STAT1: variants seen among roughly 807,000 people sequenced by gnomAD.
STAT1 encodes signal transducer and activator of transcription 1-alpha/beta.
In STAT1, 24 loss-of-function variants were observed where a neutral mutation model predicts 111.7. The ratio of observed to expected loss-of-function variants is 0.21; its 90% CI spans 0.16 to 0.30. The LOEUF is 0.30. STAT1 is among the 10% of genes least tolerant of loss of function. The pLI is 1.00. For missense variants in STAT1, 351 were observed against 911.9 expected (o/e 0.38, Z 7.92); for synonymous variants, 332 against 326.5 (o/e 1.02, Z -0.18).
At position 190,999,894 on chromosome 2, in the gene STAT1, A is replaced by C. The variant is rs139471543; in HGVS notation, c.463-190T>G. ...TCGGTTTCATTAATAAGTATGTCAT[A>C]ACATTTTTAAAAAAGCAAACGTACA... On this transcript the variant is annotated intron_variant, in intron 6 of 24. Coordinates refer to ENST00000361099, the MANE Select transcript of STAT1 (RefSeq NM_007315.4). This position sits in a 1 kb window ranked among gnomAD's most constrained non-coding sequence, Gnocchi z 4.1. Among the ~76,000 whole-genome samples the C allele has an allele frequency of 6.6e-5, 10 of 152,336 alleles. No homozygotes were observed. The highest frequency in any genetic ancestry group is 1.4e-4 in the African/African-American group (6 of 41,574).
At position 190,995,709 on chromosome 2, in the gene STAT1, C is replaced by A. The variant is rs1693803033; in HGVS notation, c.786-490G>T. Among the ~76,000 whole-genome samples the A allele has an allele frequency of 6.6e-6, 1 of 152,188 alleles. No individual in the cohort carries two copies. Among genetic ancestry groups the A allele is most frequent in the South Asian group, 2.1e-4 (1 of 4,830 alleles). ...ATGTCACCTAGGATGCCATGCTCTG[C>A]CCTCTAGGGAAAAACAAAGGGAACG... is the stretch of plus-strand genomic sequence containing the variant. On this transcript the variant is annotated intron_variant, in intron 9 of 24. Transcript: ENST00000361099. The surrounding 1 kb of genome is among the most constrained non-coding windows in gnomAD (Gnocchi z 4.2).
At chr2:191,005,397 T>G (rs1411908849) in intron 5 of STAT1, among the ~76,000 whole-genome samples, 1 of 152,244 alleles carries the variant, frequency 6.6e-6, no homozygotes, top group African/African-American at 2.4e-5. Flanking sequence ...TATATGACAG[T>G]GGCCCCATAA....
At position 191,004,868 on chromosome 2, in the gene STAT1, G is replaced by T. The variant is rs966992524; in HGVS notation, c.372+2695C>A. ...TCATGTCTTTCCCTCCCACCTGAAA[G>T]AAATTCTCCCCATCCCTTCAGACCC... On this transcript the variant is annotated intron_variant, in intron 5 of 24. Coordinates refer to ENST00000361099, the MANE Select transcript of STAT1 (RefSeq NM_007315.4). The surrounding 1 kb of genome is among the most constrained non-coding windows in gnomAD (Gnocchi z 5.0). 6.6e-6 allele frequency among the ~76,000 whole-genome samples: 1 copy of T among 152,032 alleles called. No homozygotes were observed. The highest frequency in any genetic ancestry group is 1.5e-5 in the Non-Finnish European group (1 of 68,000).
At position 190,983,122 on chromosome 2, in the gene STAT1, T is replaced by C. The variant is rs1444988352; in HGVS notation, c.1446+520A>G. ...TAATGTTAATGCCTCAACAAGTGTA[T>C]TAGATAAGGTGTCTTTAAACAGAAA... On this transcript the variant is annotated intron_variant, in intron 17 of 24. Transcript: ENST00000361099. This position sits in a 1 kb window ranked among gnomAD's most constrained non-coding sequence, Gnocchi z 5.7. Among the ~76,000 whole-genome samples, 1 of 152,136 alleles carries C rather than the reference T, an allele frequency of 6.6e-6. No individual in the cohort carries two copies. Among genetic ancestry groups the C allele is most frequent in the East Asian group, 1.9e-4 (1 of 5,202 alleles).
rs1209317676 is a variant in STAT1, at chr2:190,983,298, G to A, written c.1446+344C>T. Among the ~76,000 whole-genome samples, 4 of 152,104 alleles carry A rather than the reference G, an allele frequency of 2.6e-5. No individual in the cohort carries two copies. Among genetic ancestry groups the A allele is most frequent in the African/African-American group, 9.7e-5 (4 of 41,392 alleles). On this transcript the variant is annotated intron_variant, in intron 17 of 24. Transcript: ENST00000361099. The surrounding 1 kb of genome is among the most constrained non-coding windows in gnomAD (Gnocchi z 5.7). ...TGACTTTAAAAAACATAAGTACTTT[G>A]AATAATTATAAATGACTGTAATTAA...
rs895772554 is a variant in STAT1 at position 190,971,915 on chromosome 2, G to C, written c.2239-1198C>G. 2.6e-5 allele frequency among the ~76,000 whole-genome samples: 4 copies of C among 152,234 alleles called. No homozygotes were observed. The East Asian group carries it at 5.8e-4, about 22-fold the overall frequency. On this transcript the variant is annotated intron_variant, in intron 24 of 24. Coordinates refer to ENST00000361099, the MANE Select transcript of STAT1 (RefSeq NM_007315.4). The surrounding 1 kb of genome is among the most constrained non-coding windows in gnomAD (Gnocchi z 4.1). ...TTTAGTAGAGATGGGGTTTCACCGTGTTGGCCAGGCTGGTCTCAAACTCCT... is the reference window on the plus strand; with the variant it reads ...TTTAGTAGAGATGGGGTTTCACCGTCTTGGCCAGGCTGGTCTCAAACTCCT...
chr2:191,005,084 T>C (rs1447712702), intron 5 of STAT1, among the ~76,000 whole-genome samples: 5 of 152,232 alleles, frequency 3.3e-5, no homozygotes, highest in South Asian at 2.1e-4. Flanking sequence ...GGAACAATAA[T>C]TTCCCATCTC....
Position 191,007,862 on chromosome 2 carries a change from C to A in STAT1, c.274-201G>T. On this transcript the variant is annotated intron_variant, in intron 4 of 24. Coordinates refer to ENST00000361099, the MANE Select transcript of STAT1 (RefSeq NM_007315.4). This position sits in a 1 kb window ranked among gnomAD's most constrained non-coding sequence, Gnocchi z 4.2. ...AAAAATTGCTTTAACTTTCTAAGTGCAGGTACCTAACGTACTTTTTGATTT... is the reference window on the plus strand; with the variant it reads ...AAAAATTGCTTTAACTTTCTAAGTGAAGGTACCTAACGTACTTTTTGATTT... The A allele has an allele frequency of 1.7e-6, 1 of 603,908 alleles. No individual in the cohort carries two copies. Among genetic ancestry groups the A allele is most frequent in the Non-Finnish European group, 2.9e-6 (1 of 339,990 alleles). 37.4% of individuals were successfully genotyped at this position (603,908 alleles called of 1,614,324 possible).
chr2:191,007,523 T>C lies in STAT1; in HGVS notation c.372+40A>G. 6.9e-7 allele frequency: 1 copy of C among 1,439,704 alleles called. No individual in the cohort carries two copies. The highest frequency in any genetic ancestry group is 9.8e-7 in the Non-Finnish European group (1 of 1,022,964). 89.2% of individuals were successfully genotyped at this position (1,439,704 alleles called of 1,614,324 possible). ...AGTATTTGATGAATGAATACATTTTTATTTTATTACAGTTTATGTGTTCAA... is the reference window on the plus strand; with the variant it reads ...AGTATTTGATGAATGAATACATTTTCATTTTATTACAGTTTATGTGTTCAA... On this transcript the variant is annotated intron_variant, in intron 5 of 24. Coordinates refer to ENST00000361099, the MANE Select transcript of STAT1 (RefSeq NM_007315.4). This position sits in a 1 kb window ranked among gnomAD's most constrained non-coding sequence, Gnocchi z 4.2.
chr2:190,979,067 T>G lies in STAT1; in HGVS notation c.1728-66A>C. Reference sequence around the variant, plus strand: ...TCATGATTTCCATTTTCATGCTAACTTACAAACCAAGAAAATGGCTGGAAT... The same window carrying G: ...TCATGATTTCCATTTTCATGCTAACGTACAAACCAAGAAAATGGCTGGAAT... On this transcript the variant is annotated intron_variant, in intron 20 of 24. Coordinates refer to ENST00000361099, the MANE Select transcript of STAT1 (RefSeq NM_007315.4). This position sits in a 1 kb window ranked among gnomAD's most constrained non-coding sequence, Gnocchi z 5.8. The G allele has an allele frequency of 6.2e-7, 1 of 1,602,184 alleles. No homozygotes were observed. Among genetic ancestry groups the G allele is most frequent in the Non-Finnish European group, 8.5e-7 (1 of 1,171,818 alleles).
At position 190,972,677 on chromosome 2, in the gene STAT1, C is replaced by A. The variant is rs180724034; in HGVS notation, c.2239-1960G>T. On this transcript the variant is annotated intron_variant, in intron 24 of 24. Coordinates refer to ENST00000361099, the MANE Select transcript of STAT1 (RefSeq NM_007315.4). ...AGTCAACCCAATTTAGAGACTGATTCAACCGTTGTCTAACCAGTGCCGTGC... is the reference window on the plus strand; with the variant it reads ...AGTCAACCCAATTTAGAGACTGATTAAACCGTTGTCTAACCAGTGCCGTGC... Among the ~76,000 whole-genome samples, 13 of 152,128 alleles carry A rather than the reference C, an allele frequency of 8.5e-5. 1 individual carries two copies. The highest frequency in any genetic ancestry group is 5.2e-4 in the Admixed American group (8 of 15,300).
intron 5 of STAT1, among the ~76,000 whole-genome samples, chr2:191,005,600 T>TTA (rs2125091506): frequency 6.6e-6 from 1 of 152,302 alleles, no homozygotes; most frequent in African/African-American, 2.4e-5. Flanking sequence ...GTATGGTAGG[T>TTA]TATACCACCT....
At position 190,998,281 on chromosome 2, in the gene STAT1, C is replaced by T; in HGVS notation, c.569G>A (p.Ser190Asn). ...TAACAGCTGTTCTTGTTTCTGATCA[C>T]TCTTTGCCACACCATTGGTCTCGTG... ...REHETNGVAKSDQKQEQLLLK... is the reference protein window; with the variant it reads ...REHETNGVAKNDQKQEQLLLK... Residue 190 changes from serine to asparagine, a missense_variant, in exon 8 of 25, where the codon AGT becomes AAT. By Grantham distance (46) the Ser-to-Asn change is conservative. This residue lies in a region of STAT1 where 67 missense variants were observed against 158.9 expected (regional missense o/e 0.42). Coordinates refer to ENST00000361099, the MANE Select transcript of STAT1 (RefSeq NM_007315.4). The surrounding 1 kb of genome is among the most constrained non-coding windows in gnomAD (Gnocchi z 4.1). The T allele has an allele frequency of 6.2e-7, 1 of 1,613,768 alleles. No individual in the cohort carries two copies. Among genetic ancestry groups the T allele is most frequent in the South Asian group, 1.1e-5 (1 of 91,080 alleles).
At position 190,986,790 on chromosome 2, in the gene STAT1, C is replaced by T. The variant is rs896439915; in HGVS notation, c.1221+64G>A. On this transcript the variant is annotated intron_variant, in intron 14 of 24. Coordinates refer to ENST00000361099, the MANE Select transcript of STAT1 (RefSeq NM_007315.4). The surrounding 1 kb of genome is among the most constrained non-coding windows in gnomAD (Gnocchi z 5.0). ...CCACATGGCAATGTGCCAAAAAGGG[C>T]TGCTCTATTGTCAAAAGTCCTAAGA... 3.3e-6 allele frequency: 5 copies of T among 1,500,890 alleles called. No homozygotes were observed. The highest frequency in any genetic ancestry group is 4.6e-6 in the Non-Finnish European group (5 of 1,077,436). 93.0% of individuals were successfully genotyped at this position (1,500,890 alleles called of 1,614,324 possible). A position where few individuals can be genotyped will look rare whatever the true frequency, so the allele number is the denominator to read the frequency against.
In STAT1 at chr2:190,980,518, C is replaced by T; in HGVS notation, c.1632+102G>A. 7.1e-7 allele frequency: 1 copy of T among 1,401,328 alleles called. No homozygotes were observed. Among genetic ancestry groups the T allele is most frequent in the Non-Finnish European group, 1.0e-6 (1 of 987,264 alleles). The allele number at this position is 1,401,328 out of a possible 1,614,324, so 86.8% of individuals were successfully genotyped here. A position where few individuals can be genotyped will look rare whatever the true frequency, so the allele number is the denominator to read the frequency against. On this transcript the variant is annotated intron_variant, in intron 19 of 24. Coordinates refer to ENST00000361099, the MANE Select transcript of STAT1 (RefSeq NM_007315.4). The surrounding 1 kb of genome is among the most constrained non-coding windows in gnomAD (Gnocchi z 6.1). Reference sequence around the variant, plus strand: ...GCTCCTTGGCCAGAGAAGAACACGCCAAAATAAGCAAACAGTTAAGTAACT... The same window carrying T: ...GCTCCTTGGCCAGAGAAGAACACGCTAAAATAAGCAAACAGTTAAGTAACT...
chr2:190,992,331 C>T (rs1693427892), intron 10 of STAT1, among the ~76,000 whole-genome samples: 2 of 152,060 alleles, frequency 1.3e-5, no homozygotes, highest in African/African-American at 4.8e-5. Context: ...CTAAACACAC[C>T]AATATAAACA....
Position 190,999,533 on chromosome 2 carries a change from C to G in STAT1, c.541+93G>C. On this transcript the variant is annotated intron_variant, in intron 7 of 24. Coordinates refer to ENST00000361099, the MANE Select transcript of STAT1 (RefSeq NM_007315.4). This position sits in a 1 kb window ranked among gnomAD's most constrained non-coding sequence, Gnocchi z 4.1. The stretch of plus-strand genomic sequence containing the variant: ...AGGAAGAATTCAGAGTCATAAAATA[C>G]TCGGCAAATAGAAAGGAGTAATCAT... 3 of 868,646 alleles carry G rather than the reference C, an allele frequency of 3.5e-6. No homozygotes were observed. The highest frequency in any genetic ancestry group is 5.9e-6 in the Non-Finnish European group (3 of 512,560). The allele number at this position is 868,646 out of a possible 1,614,324, so 53.8% of individuals were successfully genotyped here.
Position 190,984,987 on chromosome 2 carries a change from C to G in STAT1, c.1264-594G>C, listed in dbSNP as rs45565735. On this transcript the variant is annotated intron_variant, in intron 15 of 24. Transcript: ENST00000361099. This position sits in a 1 kb window ranked among gnomAD's most constrained non-coding sequence, Gnocchi z 5.2. ...GGGCTAGAAGGCATCTTTGCACTGC[C>G]TGGGCCTGTGTTTGTCCCGCTGCTC... Among the ~76,000 whole-genome samples, 1 of 152,230 alleles carries G rather than the reference C, an allele frequency of 6.6e-6. No individual in the cohort carries two copies. Among genetic ancestry groups the G allele is most frequent in the South Asian group, 2.1e-4 (1 of 4,836 alleles).
chr2:190,980,089 C>T lies in STAT1; in HGVS notation c.1633-223G>A, dbSNP rs1692248127. 6.6e-6 allele frequency among the ~76,000 whole-genome samples: 1 copy of T among 152,222 alleles called. No homozygotes were observed. The highest frequency in any genetic ancestry group is 1.9e-4 in the East Asian group (1 of 5,198). On this transcript the variant is annotated intron_variant, in intron 19 of 24. Coordinates refer to ENST00000361099, the MANE Select transcript of STAT1 (RefSeq NM_007315.4). The surrounding 1 kb of genome is among the most constrained non-coding windows in gnomAD (Gnocchi z 6.1). ...CTCCAGAGCTCTCCACTTCCCTGGG[C>T]CGGGCTCTGCTTCCCTTTCCAAACA...
Sources: allele counts gnomAD v4.1 joint callset (sites outside exome capture counted in the v4.1 genomes callset), GRCh38; gene constraint gnomAD v4.1.1; regional missense constraint gnomAD v4.1.1; non-coding constraint Gnocchi (gnomAD v3.1); transcripts MANE v1.5; gene names NCBI Gene and HGNC (gene_info 2026-07-23, HGNC 2026-07-21).